ACSL1: variants seen among roughly 807,000 people sequenced by gnomAD.
ACSL1 encodes the protein long-chain-fatty-acid--CoA ligase 1.
ACSL1 carries 41 observed loss-of-function variants against 98.4 expected under a neutral mutation model. That is an observed-to-expected ratio of 0.42 (90% confidence interval 0.32 to 0.54). ACSL1 has a LOEUF of 0.54. Ranked by LOEUF, ACSL1 falls within the 20% of genes least tolerant of loss-of-function variation. The probability of loss-of-function intolerance (pLI) is 0.13; values close to 1 mark genes in which losing one functional copy is unlikely to be tolerated. For synonymous variants in ACSL1, 316 were observed against 322.7 expected (o/e 0.98, Z 0.22); for missense variants, 734 against 883.1 (o/e 0.83, Z 2.14).
At chr4:184,823,741 A>C (rs181879063) in intron 1 of ACSL1, among the ~76,000 whole-genome samples, 1 of 152,362 alleles carries the variant, frequency 6.6e-6, no homozygotes, top group East Asian at 1.9e-4. Flanking sequence ...ATTTTACATC[A>C]AATGCTAAAT....
intron 18 of ACSL1, among the ~76,000 whole-genome samples, chr4:184,759,499 C>T (rs1157496498): frequency 1.3e-5 from 2 of 152,142 alleles, no homozygotes; most frequent in Admixed American, 1.3e-4. Flanking sequence ...AAGAAAAAAA[C>T]AACCCCATCA....
intron 2 of ACSL1, among the ~76,000 whole-genome samples, chr4:184,797,127 C>T (rs1251141104): frequency 6.6e-6 from 1 of 151,682 alleles, no homozygotes; most frequent in African/African-American, 2.4e-5. Context: ...GCCTCACAGA[C>T]ACGTGTAATC....
At chr4:184,810,114 T>A (rs938976485) in intron 1 of ACSL1, among the ~76,000 whole-genome samples, 1 of 152,246 alleles carries the variant, frequency 6.6e-6, no homozygotes, top group African/African-American at 2.4e-5. Context: ...ATACTCTATT[T>A]ATAGCTTTTT....
chr4:184,788,603 A>G lies in ACSL1; in HGVS notation c.310+14T>C. On this transcript the variant is annotated intron_variant, in intron 3 of 20. Transcript: ENST00000281455. ...CGGCGAGCGGGAGCCACGCAAATGC[A>G]GGAAAATGCTTACTTGACACCTGTA... 1 of 1,603,610 alleles carries G rather than the reference A, an allele frequency of 6.2e-7. No homozygotes were observed. Among genetic ancestry groups the G allele is most frequent in the South Asian group, 1.1e-5 (1 of 90,878 alleles).
chr4:184,763,176 G>T lies in ACSL1; in HGVS notation c.1512C>A (p.Gly504=), dbSNP rs370223408. 1 of 1,613,236 alleles carries T rather than the reference G, an allele frequency of 6.2e-7. No individual in the cohort carries two copies. The highest frequency in any genetic ancestry group is 1.3e-5 in the African/African-American group (1 of 74,868). ...GACGGTTTTCACTCACCTCGCCCTC[G>T]CCCTCGGCAGCCATGTAATTCATTT... ...VEEMNYMAAE[G]EGEVCVKGPN... Residue 504 remains glycine, a synonymous_variant, in exon 16 of 21, where the codon GGC becomes GGA. Coordinates refer to ENST00000281455, the MANE Select transcript of ACSL1 (RefSeq NM_001995.5).
In ACSL1 at chr4:184,802,038, C is replaced by T. The variant is rs1367610818; in HGVS notation, c.195+1282G>A. Among the ~76,000 whole-genome samples the T allele has an allele frequency of 1.8e-4, 28 of 152,216 alleles. 1 individual carries two copies. The highest frequency in any genetic ancestry group is 1.8e-3 in the Admixed American group (28 of 15,290). ...GTAGAGAAGGAATGCCAGAACCTCACAGGAATCCCTTAGGAAAAGGGAGAT... is the reference window on the plus strand; with the variant it reads ...GTAGAGAAGGAATGCCAGAACCTCATAGGAATCCCTTAGGAAAAGGGAGAT... On this transcript the variant is annotated intron_variant, in intron 2 of 20. Coordinates refer to ENST00000281455, the MANE Select transcript of ACSL1 (RefSeq NM_001995.5).
At chr4:184,786,175 C>T (rs529335530) in intron 3 of ACSL1, among the ~76,000 whole-genome samples, 1 of 152,124 alleles carries the variant, frequency 6.6e-6, no homozygotes, top group Non-Finnish European at 1.5e-5. Flanking sequence ...ATCAATTGTT[C>T]CTAAATGTCT....
chr4:184,800,662 G>A (rs1476142742), intron 2 of ACSL1, among the ~76,000 whole-genome samples: 1 of 152,214 alleles, frequency 6.6e-6, no homozygotes, highest in Non-Finnish European at 1.5e-5. Context: ...GGGCATCACA[G>A]TTATGACTGT....
rs1250493410 is a variant in ACSL1, at chr4:184,755,999, C to T, written c.*1126G>A. 6.6e-6 allele frequency: 1 copy of T among 152,350 alleles called. No homozygotes were observed. Among genetic ancestry groups the T allele is most frequent in the Non-Finnish European group, 1.5e-5 (1 of 68,032 alleles). 9.4% of individuals were successfully genotyped at this position (152,350 alleles called of 1,614,324 possible). ...AGGAAATGAACTTTCCAGATTTCTA[C>T]ATCCTAGAATTTTGGCTTGTCAAAC... On this transcript the variant is annotated 3_prime_UTR_variant, in exon 21 of 21. Transcript: ENST00000281455.
At chr4:184,820,960 C>T in intron 1 of ACSL1, 1 of 451,680 alleles carries the variant, frequency 2.2e-6, no homozygotes, top group Non-Finnish European at 4.5e-6. Context: ...ATTAGGAGCA[C>T]AGACCCTGAA....
At chr4:184,795,649 A>G (rs1253548710) in intron 2 of ACSL1, among the ~76,000 whole-genome samples, 2 of 152,188 alleles carry the variant, frequency 1.3e-5, no homozygotes, top group Admixed American at 6.5e-5. Context: ...CCCAACCACC[A>G]CTGCTCATTA....
At position 184,757,539 on chromosome 4, in the gene ACSL1, T is replaced by G. The variant is rs1167710338; in HGVS notation, c.1956+96A>C. 50 of 1,188,840 alleles carry G rather than the reference T, an allele frequency of 4.2e-5. No homozygotes were observed. Among genetic ancestry groups the G allele is most frequent in the Non-Finnish European group, 5.9e-5 (49 of 832,356 alleles). 73.6% of individuals were successfully genotyped at this position (1,188,840 alleles called of 1,614,324 possible). A position where few individuals can be genotyped will look rare whatever the true frequency, so the allele number is the denominator to read the frequency against. On this transcript the variant is annotated intron_variant, in intron 20 of 20. Coordinates refer to ENST00000281455, the MANE Select transcript of ACSL1 (RefSeq NM_001995.5). The surrounding 1 kb of genome is among the most constrained non-coding windows in gnomAD (Gnocchi z 4.5). The stretch of plus-strand genomic sequence containing the variant: ...CATTATTTATTCCTCATGTATGTCT[T>G]TAGGTCACCCCATATGTTTATATAA...
In ACSL1 at chr4:184,803,245, T is replaced by C. The variant is rs1579945517; in HGVS notation, c.195+75A>G. 2 of 1,289,938 alleles carry C rather than the reference T, an allele frequency of 1.6e-6. No homozygotes were observed. The highest frequency in any genetic ancestry group is 5.2e-5 in the East Asian group (2 of 38,452). 79.9% of individuals were successfully genotyped at this position (1,289,938 alleles called of 1,614,324 possible). On this transcript the variant is annotated intron_variant, in intron 2 of 20. Transcript: ENST00000281455. The surrounding 1 kb of genome is among the most constrained non-coding windows in gnomAD (Gnocchi z 4.8). Reference sequence around the variant, plus strand: ...AACAAATATTTGATCTTGATGGCTATCACATTCAACAGGGCTCAGCTCATC... The same window carrying C: ...AACAAATATTTGATCTTGATGGCTACCACATTCAACAGGGCTCAGCTCATC...
chr4:184,820,937 G>A, intron 1 of ACSL1: 1 of 439,210 alleles, frequency 2.3e-6, no homozygotes, highest in South Asian at 1.6e-5. Context: ...TGGAGGGGCA[G>A]TAGAGCCCAG....
chr4:184,782,834 G>A (rs1390846931), intron 4 of ACSL1, among the ~76,000 whole-genome samples: 1 of 152,148 alleles, frequency 6.6e-6, no homozygotes, highest in East Asian at 1.9e-4. Context: ...GACGGACGGG[G>A]AGAAATCATG....
chr4:184,763,734 T>C (rs1763187071), intron 15 of ACSL1, among the ~76,000 whole-genome samples: 1 of 152,236 alleles, frequency 6.6e-6, no homozygotes. Context: ...AAGCATGTCT[T>C]ACAGTTTTTA....
At chr4:184,811,234 G>T (rs1450598527) in intron 1 of ACSL1, among the ~76,000 whole-genome samples, 8 of 151,996 alleles carry the variant, frequency 5.3e-5, no homozygotes, top group African/African-American at 1.9e-4. Context: ...TCAGCCTCCG[G>T]AGTAGCTGGA....
At chr4:184,793,424 A>G (rs1374423390) in intron 2 of ACSL1, among the ~76,000 whole-genome samples, 2 of 152,312 alleles carry the variant, frequency 1.3e-5, no homozygotes, top group Admixed American at 6.5e-5. Flanking sequence ...CCAATATTTG[A>G]CTAACAGGAA....
Position 184,816,174 on chromosome 4 carries a change from G to C in ACSL1, c.-33+9742C>G, listed in dbSNP as rs147957281. ...TCTAGAAGATAATCACAGGCTATGAGGTTCCCCAGGACTGGACGCAGCCTG... is the reference window on the plus strand; with the variant it reads ...TCTAGAAGATAATCACAGGCTATGACGTTCCCCAGGACTGGACGCAGCCTG... On this transcript the variant is annotated intron_variant, in intron 1 of 20. Coordinates refer to ENST00000281455, the MANE Select transcript of ACSL1 (RefSeq NM_001995.5). 2.4e-3 allele frequency among the ~76,000 whole-genome samples: 362 copies of C among 152,098 alleles called. 3 individuals carry two copies. The highest frequency in any genetic ancestry group is 8.0e-3 in the African/African-American group (334 of 41,518).
Sources: gnomAD v4.1 joint callset for allele counts (sites outside exome capture counted in the v4.1 genomes callset) on GRCh38, gnomAD v4.1.1 for gene constraint, Gnocchi (gnomAD v3.1) non-coding constraint, MANE v1.5 for transcripts, NCBI Gene and HGNC (gene_info 2026-07-23, HGNC 2026-07-21) for gene names.